The following ROBO2 variants were observed in gnomAD, a reference collection of about 807,000 sequenced individuals.
The protein encoded by ROBO2 is roundabout homolog 2.
A neutral mutation model predicts 160.8 loss-of-function variants in ROBO2; 53 were observed. That is an observed-to-expected ratio of 0.33 (90% CI 0.26 to 0.41). The LOEUF (loss-of-function observed/expected upper bound fraction) is 0.41, where lower values mean the gene tolerates loss of function less well. Among genes scored for constraint, ROBO2 ranks in the 10% least tolerant of loss-of-function variants. The pLI is 1.00. For missense variants in ROBO2, 1,577 were observed against 1,722.4 expected (o/e 0.92, Z 1.49); for synonymous variants, 664 against 611.7 (o/e 1.09, Z -1.26).
intron 2 of ROBO2, among the ~76,000 whole-genome samples, chr3:77,370,739 G>C (rs1320739707): frequency 7.9e-6 from 1 of 126,438 alleles, no homozygotes; most frequent in Non-Finnish European, 1.7e-5. Context: ...ATGAAAACTT[G>C]ATGAAAGGCA....
At chr3:77,143,923 T>C (rs981175253) in intron 2 of ROBO2, among the ~76,000 whole-genome samples, 1 of 152,208 alleles carries the variant, frequency 6.6e-6, no homozygotes, top group Non-Finnish European at 1.5e-5. Context: ...TCTGTAAACT[T>C]ACGGACCATT....
At chr3:77,492,556 A>T (rs1229671983) in intron 4 of ROBO2, among the ~76,000 whole-genome samples, 2 of 152,186 alleles carry the variant, frequency 1.3e-5, no homozygotes, top group Non-Finnish European at 2.9e-5. Flanking sequence ...AAGTAAAAAA[A>T]AATGGGTAGA....
chr3:76,874,785 G>A (rs2072519839), intron 2 of ROBO2, among the ~76,000 whole-genome samples: 1 of 152,180 alleles, frequency 6.6e-6, no homozygotes, highest in East Asian at 1.9e-4. Context: ...GATGCAAAAA[G>A]AGGGTGCCAG....
chr3:77,010,503 A>G (rs2061820837), intron 2 of ROBO2, among the ~76,000 whole-genome samples: 1 of 152,152 alleles, frequency 6.6e-6, no homozygotes, highest in African/African-American at 2.4e-5. Context: ...ACCAGGCTAG[A>G]TCTTCCATTC....
chr3:76,180,710 C>T (rs72630367), intron 2 of ROBO2, among the ~76,000 whole-genome samples: 10,774 of 152,158 alleles, frequency 0.071, 552 homozygotes, highest in East Asian at 0.22. Flanking sequence ...TGCTCCCACC[C>T]TTAACCAATT....
At chr3:76,745,209 T>G (rs2093866165) in intron 2 of ROBO2, among the ~76,000 whole-genome samples, 1 of 152,160 alleles carries the variant, frequency 6.6e-6, no homozygotes, top group South Asian at 2.1e-4. Context: ...TATCTCTATA[T>G]TGGTGGATCG....
At chr3:76,643,216 T>G (rs182647607) in intron 2 of ROBO2, among the ~76,000 whole-genome samples, 1 of 152,270 alleles carries the variant, frequency 6.6e-6, no homozygotes, top group Non-Finnish European at 1.5e-5. Context: ...ATTGTTGTCT[T>G]CTGTTCAATG....
intron 2 of ROBO2, among the ~76,000 whole-genome samples, chr3:76,652,243 G>A (rs2091287364): frequency 6.6e-6 from 1 of 152,062 alleles, no homozygotes; most frequent in African/African-American, 2.4e-5. Context: ...CAAATGAGGT[G>A]GATAATTAAA....
intron 2 of ROBO2, among the ~76,000 whole-genome samples, chr3:76,804,570 T>C (rs758950755): frequency 2.6e-4 from 39 of 152,324 alleles, no homozygotes; most frequent in Middle Eastern, 3.4e-3. Context: ...AGTAGCATAA[T>C]ATTAAAGTTA....
At chr3:76,947,820 C>T (rs1559747850) in intron 2 of ROBO2, among the ~76,000 whole-genome samples, 1 of 152,098 alleles carries the variant, frequency 6.6e-6, no homozygotes, top group Non-Finnish European at 1.5e-5. Flanking sequence ...ACTTCAAGTT[C>T]TGATATTATT....
At chr3:77,497,933 T>G (rs902489951) in intron 5 of ROBO2, among the ~76,000 whole-genome samples, 4 of 152,060 alleles carry the variant, frequency 2.6e-5, no homozygotes, top group Non-Finnish European at 4.4e-5. Context: ...GATATAAAAA[T>G]AAATTGAAAT....
intron 2 of ROBO2, among the ~76,000 whole-genome samples, chr3:76,781,962 G>A (rs772857787): frequency 1.2e-4 from 18 of 150,728 alleles, no homozygotes; most frequent in Non-Finnish European, 2.5e-4. Context: ...ATGTTTAGTA[G>A]CATTCATCCA....
At chr3:76,391,846 GT>G (rs922905053) in intron 2 of ROBO2, among the ~76,000 whole-genome samples, 48 of 152,060 alleles carry the variant, frequency 3.2e-4, no homozygotes, top group African/African-American at 1.2e-3. Flanking sequence ...AGTGTTTGTG[GT>G]AAGAAGCATA....
At chr3:76,497,063 T>G (rs1311704003) in intron 2 of ROBO2, among the ~76,000 whole-genome samples, 4 of 152,210 alleles carry the variant, frequency 2.6e-5, no homozygotes, top group Non-Finnish European at 4.4e-5. Context: ...TCTGTCTCCT[T>G]GGCCCACTGC....
chr3:75,964,127 T>C (rs947982804), intron 2 of ROBO2, among the ~76,000 whole-genome samples: 6 of 151,690 alleles, frequency 4.0e-5, no homozygotes, highest in African/African-American at 1.5e-4. Flanking sequence ...GAAGCAATTT[T>C]TTTCCTCAGT....
chr3:76,161,090 C>A lies in ROBO2; in HGVS notation c.109+223488C>A, dbSNP rs149795206. 3.7e-3 allele frequency among the ~76,000 whole-genome samples: 565 copies of A among 151,908 alleles called. 17 individuals carry two copies. The highest frequency in any genetic ancestry group is 0.034 in the Admixed American group (524 of 15,242). On this transcript the variant is annotated intron_variant, in intron 2 of 26. Coordinates refer to the ROBO2 transcript ENST00000487694. ...CTGAGAGACAGCAGTTGCTTCGATG[C>A]CATATCTTTTTGTAAAGCAGAATTC...
chr3:76,237,894 T>C (rs1705042530), intron 2 of ROBO2, among the ~76,000 whole-genome samples: 1 of 152,130 alleles, frequency 6.6e-6, no homozygotes, highest in Non-Finnish European at 1.5e-5. Flanking sequence ...CCCTCAAACC[T>C]TGTGGCTGAG....
At chr3:76,395,036 C>A (rs1269890370) in intron 2 of ROBO2, among the ~76,000 whole-genome samples, 1 of 152,192 alleles carries the variant, frequency 6.6e-6, no homozygotes, top group South Asian at 2.1e-4. Flanking sequence ...TTTTTCAGCA[C>A]CGCACCACAC....
At chr3:76,702,956 T>C (rs1404443944) in intron 2 of ROBO2, among the ~76,000 whole-genome samples, 1 of 152,118 alleles carries the variant, frequency 6.6e-6, no homozygotes, top group Admixed American at 6.6e-5. Flanking sequence ...CTTAATCTTT[T>C]AGGCAGTTAA....
Sources: allele counts gnomAD v4.1 joint callset (sites outside exome capture counted in the v4.1 genomes callset), GRCh38; gene constraint gnomAD v4.1.1; transcripts MANE v1.5; gene names NCBI Gene and HGNC (gene_info 2026-07-23, HGNC 2026-07-21).